The following AKAP6 variants were observed in gnomAD, a reference collection of about 807,000 sequenced individuals.
The protein encoded by AKAP6 is A-kinase anchoring protein 6.
In AKAP6, 58 loss-of-function variants were observed where a neutral mutation model predicts 188.5. That is an observed-to-expected ratio of 0.31 (90% confidence interval 0.25 to 0.38). The LOEUF (loss-of-function observed/expected upper bound fraction) is 0.38, where lower values mean the gene tolerates loss of function less well. AKAP6 is among the 10% of genes least tolerant of loss of function. The pLI is 1.00. For missense variants in AKAP6, 2,710 were observed against 2,740.0 expected (o/e 0.99, Z 0.24); for synonymous variants, 989 against 998.6 (o/e 0.99, Z 0.18).
rs754209727 is a variant in AKAP6 at position 32,382,516 on chromosome 14, G to T, written c.-34-50944G>T. Among the ~76,000 whole-genome samples, 14 of 152,224 alleles carry T rather than the reference G, an allele frequency of 9.2e-5. 1 individual carries two copies. The highest frequency in any genetic ancestry group is 1.8e-4 in the Non-Finnish European group (12 of 68,042). ...ATGAAAATGTTTAGTAGAATGCCCA[G>T]CACATTGTAAGTGCTCAATAAATGT... On this transcript the variant is annotated intron_variant, in intron 1 of 13. Transcript: ENST00000280979.
In AKAP6 at chr14:32,430,227, G is replaced by A. The variant is rs1368380508; in HGVS notation, c.-34-3233G>A. 2.6e-5 allele frequency among the ~76,000 whole-genome samples: 4 copies of A among 152,076 alleles called. No homozygotes were observed. The South Asian group carries it at 8.3e-4, about 32-fold the overall frequency. ...GAAATCTCTGGATAAATAACCCTAG[G>A]CAATCACAGATTCTTAGGGCAAATG... On this transcript the variant is annotated intron_variant, in intron 1 of 13. Transcript: ENST00000280979.
intron 7 of AKAP6, among the ~76,000 whole-genome samples, chr14:32,646,158 A>G (rs1431652558): frequency 6.6e-6 from 1 of 152,132 alleles, no homozygotes; most frequent in Non-Finnish European, 1.5e-5. Context: ...GTGGGTAAAA[A>G]GCTAAGTTTG....
At chr14:32,754,326 T>A (rs1324294154) in intron 11 of AKAP6, among the ~76,000 whole-genome samples, 6 of 152,110 alleles carry the variant, frequency 3.9e-5, no homozygotes, top group African/African-American at 7.2e-5. Context: ...TGGTTACCAT[T>A]TGCATGGAGT....
chr14:32,798,725 A>T (rs982627352), intron 12 of AKAP6, among the ~76,000 whole-genome samples: 2 of 152,092 alleles, frequency 1.3e-5, no homozygotes, highest in Non-Finnish European at 2.9e-5. Context: ...CTACCTGAGA[A>T]TGGAGGGTGG....
chr14:32,587,133 A>AT (rs1885288395), intron 5 of AKAP6, among the ~76,000 whole-genome samples: 2 of 152,144 alleles, frequency 1.3e-5, no homozygotes, highest in African/African-American at 4.8e-5. Flanking sequence ...TCTAAGTGGC[A>AT]TTGAATATCT....
rs1159920868 is a variant in AKAP6 at position 32,727,459 on chromosome 14, A to G, written c.3001-4995A>G. 2.0e-5 allele frequency among the ~76,000 whole-genome samples: 3 copies of G among 152,226 alleles called. No individual in the cohort carries two copies. The East Asian group carries it at 5.8e-4, about 29-fold the overall frequency. ...TTATTAATGGCAGATACTTTAAAAA[A>G]GATTGTTTTATGATCTTCTATTAGG... On this transcript the variant is annotated intron_variant, in intron 9 of 13. Transcript: ENST00000280979.
chr14:32,778,270 T>C (rs1194895979), intron 12 of AKAP6, among the ~76,000 whole-genome samples: 3 of 152,272 alleles, frequency 2.0e-5, no homozygotes, highest in African/African-American at 7.2e-5. Flanking sequence ...CTGAAAATAG[T>C]AACTATGTGG....
At chr14:32,395,218 A>G (rs1888840471) in intron 1 of AKAP6, among the ~76,000 whole-genome samples, 1 of 152,168 alleles carries the variant, frequency 6.6e-6, no homozygotes, top group Non-Finnish European at 1.5e-5. Context: ...AATGCAGAGG[A>G]TAATAACAAG....
chr14:32,597,581 G>A (rs530291785), intron 5 of AKAP6, among the ~76,000 whole-genome samples: 1 of 152,280 alleles, frequency 6.6e-6, no homozygotes, highest in South Asian at 2.1e-4. Flanking sequence ...TTGATCAGAA[G>A]TATGAGGCTT....
chr14:32,771,751 T>G (rs552396183), intron 11 of AKAP6, among the ~76,000 whole-genome samples: 1 of 152,248 alleles, frequency 6.6e-6, no homozygotes, highest in Admixed American at 6.5e-5. Context: ...ACAGTTATTA[T>G]GCTAGTTAAC....
chr14:32,432,888 C>A (rs1245678773), intron 1 of AKAP6, among the ~76,000 whole-genome samples: 7 of 152,156 alleles, frequency 4.6e-5, no homozygotes, highest in African/African-American at 7.2e-5. Context: ...TCAAGTGGAA[C>A]CCGTGTTTCT....
intron 12 of AKAP6, among the ~76,000 whole-genome samples, chr14:32,811,929 T>G (rs2034246991): frequency 6.6e-6 from 1 of 152,202 alleles, no homozygotes; most frequent in African/African-American, 2.4e-5. Context: ...TTAGAAAACT[T>G]CACTTGTTTA....
chr14:32,599,359 T>G (rs780090472), intron 5 of AKAP6, 51 bp from the exon 6 acceptor site: 2 of 1,487,304 alleles, frequency 1.3e-6, no homozygotes, highest in Non-Finnish European at 1.9e-6. Context: ...ATATGGATGT[T>G]TTATGTGTAA....
chr14:32,663,254 A>G (rs968526754), intron 7 of AKAP6, among the ~76,000 whole-genome samples: 1 of 152,074 alleles, frequency 6.6e-6, no homozygotes. Context: ...CTCACCTTAT[A>G]CTTTCCCTGC....
At chr14:32,373,308 G>A (rs1239838162) in intron 1 of AKAP6, 1 of 152,038 alleles carries the variant, frequency 6.6e-6, no homozygotes, top group Non-Finnish European at 1.5e-5. Context: ...GGTGGGTGGG[G>A]GAAGCCAGTG....
At chr14:32,719,124 T>A (rs1185277646) in intron 9 of AKAP6, among the ~76,000 whole-genome samples, 1 of 152,058 alleles carries the variant, frequency 6.6e-6, no homozygotes, top group East Asian at 1.9e-4. Context: ...GTTAAGATTA[T>A]AGATGTGAAA....
chr14:32,783,116 CA>C (rs1181640319), intron 12 of AKAP6, among the ~76,000 whole-genome samples: 1 of 151,910 alleles, frequency 6.6e-6, no homozygotes, highest in Non-Finnish European at 1.5e-5. Flanking sequence ...CATAAATGGT[CA>C]ATTAATTTTT....
chr14:32,693,210 T>A (rs1238851728), intron 8 of AKAP6, among the ~76,000 whole-genome samples: 1 of 152,156 alleles, frequency 6.6e-6, no homozygotes, highest in Non-Finnish European at 1.5e-5. Context: ...CTGGTCTAGC[T>A]TATGTTGTTA....
At chr14:32,415,210 A>G (rs1889618014) in intron 1 of AKAP6, among the ~76,000 whole-genome samples, 1 of 152,178 alleles carries the variant, frequency 6.6e-6, no homozygotes, top group Non-Finnish European at 1.5e-5. Flanking sequence ...CTACAGTGCT[A>G]TTGTAAGCAG....
Sources: gnomAD v4.1 joint callset for allele counts (sites outside exome capture counted in the v4.1 genomes callset) on GRCh38, gnomAD v4.1.1 for gene constraint, MANE v1.5 for transcripts, NCBI Gene and HGNC (gene_info 2026-07-23, HGNC 2026-07-21) for gene names.